The following SGCZ variants were observed in gnomAD, a reference collection of about 807,000 sequenced individuals.
SGCZ encodes the protein zeta-sarcoglycan.
Under a neutral mutation model 41.3 loss-of-function variants are expected in SGCZ, and 40 were observed. That is an observed-to-expected ratio of 0.97 (90% CI 0.75 to 1.26). The LOEUF is 1.26. Among genes scored for constraint, SGCZ ranks in the 50% most tolerant of loss-of-function variants. The pLI is 0.00. For synonymous variants in SGCZ, 206 were observed against 137.5 expected, an observed-to-expected ratio of 1.50 and a Z score of -3.49; for missense variants, 552 against 369.8, an observed-to-expected ratio of 1.49 and a Z score of -4.04.
At chr8:14,321,294 G>T (rs1302769039) in intron 3 of SGCZ, among the ~76,000 whole-genome samples, 1 of 151,826 alleles carries the variant, frequency 6.6e-6, no homozygotes. Context: ...TTTTTTGCTG[G>T]ACTACTTGGG....
chr8:15,192,133 A>C (rs1055042922), intron 1 of SGCZ, among the ~76,000 whole-genome samples: 2 of 152,072 alleles, frequency 1.3e-5, no homozygotes, highest in Non-Finnish European at 2.9e-5. Flanking sequence ...ATATTCTTAC[A>C]CCAAAATACT....
chr8:14,926,976 C>G (rs992294289), intron 1 of SGCZ, among the ~76,000 whole-genome samples: 1 of 151,708 alleles, frequency 6.6e-6, no homozygotes, highest in Non-Finnish European at 1.5e-5. Flanking sequence ...CATCAAAAGT[C>G]TTTCCTTACA....
At chr8:14,726,672 A>G (rs1810066565) in intron 1 of SGCZ, among the ~76,000 whole-genome samples, 1 of 151,704 alleles carries the variant, frequency 6.6e-6, no homozygotes, top group Non-Finnish European at 1.5e-5. Context: ...TACAGAATAG[A>G]TTAATAAATG....
intron 4 of SGCZ, among the ~76,000 whole-genome samples, chr8:14,211,312 A>G (rs1356204433): frequency 6.6e-6 from 1 of 152,052 alleles, no homozygotes; most frequent in Non-Finnish European, 1.5e-5. Context: ...CATGAACTCT[A>G]CAGCCCATGA....
rs527555736 is a variant in SGCZ at position 15,057,325 on chromosome 8, T to A, written c.39+180260A>T. 9.1e-4 allele frequency among the ~76,000 whole-genome samples: 138 copies of A among 152,320 alleles called. 3 individuals carry two copies. The highest frequency in any genetic ancestry group is 7.0e-3 in the Admixed American group (107 of 15,306). Reference sequence around the variant, plus strand: ...GATCATTTTCTTTTCAGGGACTCCCTACTTGGTGTTCCTATTAGACACCAT... The same window carrying A: ...GATCATTTTCTTTTCAGGGACTCCCAACTTGGTGTTCCTATTAGACACCAT... On this transcript the variant is annotated intron_variant, in intron 1 of 7. Transcript: ENST00000382080.
At chr8:14,625,138 G>C (rs574874619) in intron 1 of SGCZ, among the ~76,000 whole-genome samples, 1 of 152,188 alleles carries the variant, frequency 6.6e-6, no homozygotes, top group East Asian at 1.9e-4. Flanking sequence ...ATAATACATT[G>C]CTATTGAAAT....
At chr8:14,485,206 G>T (rs529309780) in intron 2 of SGCZ, among the ~76,000 whole-genome samples, 7 of 152,120 alleles carry the variant, frequency 4.6e-5, no homozygotes, top group African/African-American at 1.7e-4. Flanking sequence ...TTTCCTATCA[G>T]TATTCCTATC....
chr8:14,228,083 C>T (rs1806435201), intron 4 of SGCZ, among the ~76,000 whole-genome samples: 1 of 152,002 alleles, frequency 6.6e-6, no homozygotes, highest in South Asian at 2.1e-4. Flanking sequence ...TAGCTTCCTG[C>T]CTCCAGATGT....
intron 2 of SGCZ, among the ~76,000 whole-genome samples, chr8:14,385,965 T>C (rs10283267): frequency 0.048 from 7,282 of 152,264 alleles, 533 homozygotes; most frequent in African/African-American, 0.15. Context: ...AGATTACTTA[T>C]AATACCAAAT....
intron 2 of SGCZ, among the ~76,000 whole-genome samples, chr8:14,427,030 AAATGAATG>A (rs3068589): frequency 0.074 from 10,688 of 145,368 alleles, 798 homozygotes; most frequent in African/African-American, 0.2. Context: ...CAGTAACATT[AAATGAATG>A]AATGAATGAA....
chr8:14,411,385 A>G (rs1799356426), intron 2 of SGCZ, among the ~76,000 whole-genome samples: 1 of 152,120 alleles, frequency 6.6e-6, no homozygotes, highest in South Asian at 2.1e-4. Context: ...TACTTATGGA[A>G]ATTCTTAAGG....
chr8:15,100,505 T>C (rs1426705213), intron 1 of SGCZ, among the ~76,000 whole-genome samples: 5 of 152,196 alleles, frequency 3.3e-5, no homozygotes, highest in Admixed American at 6.5e-5. Flanking sequence ...GAAGACTCAA[T>C]ATTAAGAAGT....
chr8:14,409,885 TA>T (rs1360837704), intron 2 of SGCZ, among the ~76,000 whole-genome samples: 1 of 152,150 alleles, frequency 6.6e-6, no homozygotes, highest in Non-Finnish European at 1.5e-5. Context: ...ACATAATAAA[TA>T]TGACACAATA....
chr8:14,489,878 T>TTTTTTTTTTTTTTC, intron 2 of SGCZ, among the ~76,000 whole-genome samples: 1 of 149,512 alleles, frequency 6.7e-6, no homozygotes. Context: ...TTTTTTTTTT[T>TTTTTTTTTTTTTTC]TTTCCTGAGA....
At chr8:15,127,985 T>C (rs1807765823) in intron 1 of SGCZ, among the ~76,000 whole-genome samples, 1 of 152,106 alleles carries the variant, frequency 6.6e-6, no homozygotes, top group South Asian at 2.1e-4. Flanking sequence ...AAAAAGAAAT[T>C]CCAAAGAATA....
intron 4 of SGCZ, among the ~76,000 whole-genome samples, chr8:14,212,330 C>T (rs921577511): frequency 3.3e-5 from 5 of 152,086 alleles, no homozygotes; most frequent in African/African-American, 9.7e-5. Flanking sequence ...GCATCTCCAA[C>T]GCCTTACCCA....
At chr8:14,110,756 A>G (rs986870230) in intron 5 of SGCZ, among the ~76,000 whole-genome samples, 1 of 152,150 alleles carries the variant, frequency 6.6e-6, no homozygotes, top group Non-Finnish European at 1.5e-5. Flanking sequence ...AACAGCATAA[A>G]AAAATTAAAA....
chr8:14,129,116 GTGGGTGGA>G (rs1802954933), intron 5 of SGCZ, among the ~76,000 whole-genome samples: 2 of 151,966 alleles, frequency 1.3e-5, no homozygotes, highest in African/African-American at 2.4e-5. Flanking sequence ...GAAGGCCGAG[GTGGGTGGA>G]TCACCTGAGG....
At chr8:15,154,194 A>G (rs1288978480) in intron 1 of SGCZ, among the ~76,000 whole-genome samples, 1 of 152,206 alleles carries the variant, frequency 6.6e-6, no homozygotes, top group Non-Finnish European at 1.5e-5. Flanking sequence ...CTTTATAGCA[A>G]GGCAAAGACA....
Sources: allele counts gnomAD v4.1 joint callset (sites outside exome capture counted in the v4.1 genomes callset), GRCh38; gene constraint gnomAD v4.1.1; transcripts MANE v1.5; gene names NCBI Gene and HGNC (gene_info 2026-07-23, HGNC 2026-07-21).